Variants in HNF4G observed in about 807,000 individuals in gnomAD.
HNF4G encodes hepatocyte nuclear factor 4-gamma.
Under a neutral mutation model 50.9 loss-of-function variants are expected in HNF4G, and 21 were observed. The ratio of observed to expected loss-of-function variants is 0.41; its 90% confidence interval spans 0.29 to 0.59. The LOEUF is 0.59. Among genes scored for constraint, HNF4G ranks in the 20% least tolerant of loss-of-function variants. The pLI, the probability that HNF4G is intolerant of heterozygous loss-of-function variation, is 0.26. For synonymous variants in HNF4G, 198 were observed against 185.6 expected, an observed-to-expected ratio of 1.07 and a Z score of -0.54; for missense variants, 527 against 559.4, an observed-to-expected ratio of 0.94 and a Z score of 0.58.
intron 1 of HNF4G, among the ~76,000 whole-genome samples, chr8:75,452,453 C>A (rs1290241678): frequency 6.6e-6 from 1 of 152,138 alleles, no homozygotes; most frequent in Non-Finnish European, 1.5e-5. Context: ...GGCACGTTGG[C>A]TCACGCCTGT....
chr8:75,544,048 GAAGAA>G, intron 2 of HNF4G, 69 bp downstream of exon 2: 1 of 1,385,928 alleles, frequency 7.2e-7, no homozygotes, highest in South Asian at 1.5e-5. Flanking sequence ...AAAAGTAAGA[GAAGAA>G]AATTCAGAGT....
chr8:75,441,373 G>T (rs1183507852), intron 1 of HNF4G, among the ~76,000 whole-genome samples: 4 of 151,780 alleles, frequency 2.6e-5, no homozygotes, highest in African/African-American at 9.7e-5. Flanking sequence ...AGCCTCCTGA[G>T]CAGCTGGGAC....
chr8:75,547,816 C>G, intron 3 of HNF4G, 135 bp downstream of exon 3: 1 of 624,808 alleles, frequency 1.6e-6, no homozygotes, highest in Non-Finnish European at 2.8e-6. Context: ...TCTATGATTC[C>G]TCAAGTTAAA....
At chr8:75,422,224 A>G (rs954802482) in intron 1 of HNF4G, among the ~76,000 whole-genome samples, 1 of 152,196 alleles carries the variant, frequency 6.6e-6, no homozygotes, top group African/African-American at 2.4e-5. Flanking sequence ...TATTAGTGAA[A>G]TAATAATAGC....
intron 2 of HNF4G, among the ~76,000 whole-genome samples, chr8:75,510,284 A>T (rs1805716185): frequency 6.6e-6 from 1 of 152,218 alleles, no homozygotes. Context: ...TTAAGCTGTT[A>T]TAAGAGTCAA....
intron 1 of HNF4G, among the ~76,000 whole-genome samples, chr8:75,417,121 G>A (rs890996625): frequency 4.6e-5 from 7 of 151,338 alleles, no homozygotes; most frequent in East Asian, 3.9e-4. Flanking sequence ...ACGCGTGTGC[G>A]CACACACACA....
intron 1 of HNF4G, among the ~76,000 whole-genome samples, chr8:75,431,581 T>C (rs1046417248): frequency 6.6e-6 from 1 of 152,106 alleles, no homozygotes; most frequent in African/African-American, 2.4e-5. Flanking sequence ...AACAAAACAC[T>C]ACAAACAAAA....
At chr8:75,508,366 A>G (rs1438061611) in intron 2 of HNF4G, among the ~76,000 whole-genome samples, 1 of 151,246 alleles carries the variant, frequency 6.6e-6, no homozygotes, top group African/African-American at 2.4e-5. Flanking sequence ...AAAAGCATTT[A>G]CTTAAAAAAA....
At chr8:75,490,966 C>T (rs189269224) in intron 2 of HNF4G, among the ~76,000 whole-genome samples, 9 of 152,234 alleles carry the variant, frequency 5.9e-5, no homozygotes, top group Admixed American at 5.2e-4. Context: ...GATTTAGGTC[C>T]AGAGTTATTT....
chr8:75,423,130 C>G (rs1392019164), intron 1 of HNF4G, among the ~76,000 whole-genome samples: 1 of 152,072 alleles, frequency 6.6e-6, no homozygotes, highest in East Asian at 1.9e-4. Flanking sequence ...TTGTACCAAA[C>G]TATACATCCA....
intron 1 of HNF4G, among the ~76,000 whole-genome samples, chr8:75,437,129 A>C (rs1047132116): frequency 6.6e-6 from 1 of 152,238 alleles, no homozygotes; most frequent in African/African-American, 2.4e-5. Context: ...CTGGGAGAAA[A>C]TATTTGCATT....
At chr8:75,409,437 C>T (rs1346413272) in intron 1 of HNF4G, among the ~76,000 whole-genome samples, 1 of 149,116 alleles carries the variant, frequency 6.7e-6, no homozygotes, top group East Asian at 2.0e-4. Context: ...AAAAAAAATA[C>T]TCCTCATGCA....
At chr8:75,539,077 T>G (rs989145850), upstream of HNF4G, among the ~76,000 whole-genome samples, 1 of 152,288 alleles carries the variant, frequency 6.6e-6, no homozygotes, top group Admixed American at 6.5e-5. Flanking sequence ...TAGATGTTCC[T>G]TGTCAAATAT....
chr8:75,545,886 A>G (rs1388087653), intron 2 of HNF4G, among the ~76,000 whole-genome samples: 1 of 152,050 alleles, frequency 6.6e-6, no homozygotes, highest in Non-Finnish European at 1.5e-5. Flanking sequence ...TGTTAATTGA[A>G]TGCATTCTCC....
In HNF4G at chr8:75,457,953, A is replaced by G. The variant is rs1445446494; in HGVS notation, c.-143-32136A>G. On this transcript the variant is annotated intron_variant, in intron 1 of 10. Transcript: ENST00000354370. The stretch of plus-strand genomic sequence containing the variant: ...AAGATACCAATTTTGAGGAAAATGT[A>G]ATGAGTTATTCTGTTTTTTATATAT... Among the ~76,000 whole-genome samples the G allele has an allele frequency of 2.0e-5, 3 of 152,054 alleles. No homozygotes were observed. The East Asian group carries it at 5.8e-4, about 29-fold the overall frequency.
chr8:75,487,212 T>C (rs1210486564), intron 1 of HNF4G, among the ~76,000 whole-genome samples: 1 of 152,180 alleles, frequency 6.6e-6, no homozygotes, highest in Non-Finnish European at 1.5e-5. Flanking sequence ...CAGGTTTTTC[T>C]TTTACATGTA....
At chr8:75,474,026 TC>T (rs1812183561) in intron 1 of HNF4G, among the ~76,000 whole-genome samples, 1 of 151,966 alleles carries the variant, frequency 6.6e-6, no homozygotes, top group Non-Finnish European at 1.5e-5. Flanking sequence ...GAGGTGAAAA[TC>T]TTTGTGGTCA....
At chr8:75,554,158 C>T (rs1262272308) in intron 5 of HNF4G, among the ~76,000 whole-genome samples, 2 of 151,962 alleles carry the variant, frequency 1.3e-5, no homozygotes, top group African/African-American at 2.4e-5. Context: ...GTGTGAGTCA[C>T]GAATATTGAC....
chr8:75,501,592 G>T (rs117601966), intron 2 of HNF4G, among the ~76,000 whole-genome samples: 3,940 of 152,224 alleles, frequency 0.026, 84 homozygotes, highest in Admixed American at 0.048. Flanking sequence ...CAGTAATAGT[G>T]TGTAGACATT....
Sources: allele counts gnomAD v4.1 joint callset (sites outside exome capture counted in the v4.1 genomes callset), GRCh38; gene constraint gnomAD v4.1.1; transcripts MANE v1.5; gene names NCBI Gene and HGNC (gene_info 2026-07-23, HGNC 2026-07-21).